The following THSD4 variants were observed in gnomAD, a reference collection of about 807,000 sequenced individuals.
The protein encoded by THSD4 is thrombospondin type-1 domain-containing protein 4.
THSD4 carries 69 observed loss-of-function variants against 119.0 expected under a neutral mutation model. The observed-to-expected ratio is 0.58, with a 90% CI of 0.48 to 0.71. THSD4 has a LOEUF of 0.71. THSD4 is among the 30% of genes least tolerant of loss of function. The pLI is 0.00. For missense variants in THSD4, 1,393 were observed against 1,391.1 expected (o/e 1.00, Z -0.02); for synonymous variants, 524 against 540.4 (o/e 0.97, Z 0.42).
In THSD4 at chr15:71,215,252, C is replaced by T. The variant is rs2043922362; in HGVS notation, c.317C>T (p.Ser106Leu). The T allele has an allele frequency of 6.7e-7, 1 of 1,483,472 alleles. No individual in the cohort carries two copies. Among genetic ancestry groups the T allele is most frequent in the Non-Finnish European group, 8.9e-7 (1 of 1,123,558 alleles). The allele number at this position is 1,483,472 out of a possible 1,614,324, so 91.9% of individuals were successfully genotyped here. A position where few individuals can be genotyped will look rare whatever the true frequency, so the allele number is the denominator to read the frequency against. ...CGCGCCTTCGCGGACCACGTGGTGT[C>T]GGCGGTGCGCACGTCGGTGCCACTG... ...PARAFADHVVSAVRTSVPLHR... is the reference protein window; with the variant it reads ...PARAFADHVVLAVRTSVPLHR... The change falls in exon 4 of 18, where the codon TCG (serine) becomes TTG (leucine). Residue 106 changes from serine (S) to leucine (L), a missense_variant. By Grantham distance (145) the Ser-to-Leu change is moderately radical. Coordinates refer to ENST00000261862, the MANE Select transcript of THSD4 (RefSeq NM_024817.3).
At chr15:71,658,280 C>G (rs2051230316) in intron 7 of THSD4, among the ~76,000 whole-genome samples, 1 of 152,230 alleles carries the variant, frequency 6.6e-6, no homozygotes, top group Admixed American at 6.5e-5. Flanking sequence ...ATTATCCCTC[C>G]CAGCAGGCTT....
chr15:71,240,027 C>T (rs532466064), intron 4 of THSD4, among the ~76,000 whole-genome samples: 2 of 152,338 alleles, frequency 1.3e-5, no homozygotes, highest in South Asian at 2.1e-4. Flanking sequence ...GCATTCATTT[C>T]GTCACCTTTC....
At chr15:71,112,238 G>T, upstream of THSD4, 2 of 1,608,944 alleles carry the variant, frequency 1.2e-6, no homozygotes, top group Non-Finnish European at 1.7e-6. Flanking sequence ...GCTGATCAGT[G>T]AGGTGGGGTG....
rs190934989 is a variant in THSD4, at chr15:71,749,169, A to G, written c.2415+575A>G. ...CAGATGGAGTGATGTTGGTTACACA[A>G]CAGCATGAATGCACCTAATGCCCTG... On this transcript the variant is annotated intron_variant, in intron 14 of 17. Coordinates refer to ENST00000261862, the MANE Select transcript of THSD4 (RefSeq NM_024817.3). Among the ~76,000 whole-genome samples the G allele has an allele frequency of 6.5e-4, 99 of 152,392 alleles. 2 individuals carry two copies. The East Asian group carries it at 0.016, about 24-fold the overall frequency.
intron 6 of THSD4, among the ~76,000 whole-genome samples, chr15:71,410,092 T>C (rs779127285): frequency 3.3e-5 from 5 of 152,056 alleles, no homozygotes; most frequent in Non-Finnish European, 7.4e-5. Context: ...GTGATAGAAA[T>C]GTACAGAAAG....
chr15:71,554,489 A>G (rs1371068732), intron 7 of THSD4, among the ~76,000 whole-genome samples: 2 of 151,654 alleles, frequency 1.3e-5, no homozygotes, highest in African/African-American at 4.8e-5. Context: ...CCCAGGCTCA[A>G]GTAATCCTCC....
Position 71,652,420 on chromosome 15 carries a change from T to C in THSD4, c.1153-8110T>C, listed in dbSNP as rs28693902. Among the ~76,000 whole-genome samples the C allele has an allele frequency of 8.8e-3, 1,334 of 152,364 alleles. 19 individuals are homozygous for C. The highest frequency in any genetic ancestry group is 0.03 in the African/African-American group (1,264 of 41,578). On this transcript the variant is annotated intron_variant, in intron 7 of 17. Coordinates refer to ENST00000261862, the MANE Select transcript of THSD4 (RefSeq NM_024817.3). ...ATTCTATACAAAAATATGGTTACCT[T>C]ACTTTTATAATAGAGCAATTATCAC...
chr15:71,532,133 G>A (rs867565273), intron 7 of THSD4, among the ~76,000 whole-genome samples: 1 of 152,298 alleles, frequency 6.6e-6, no homozygotes, highest in Admixed American at 6.5e-5. Context: ...ACATGCAACG[G>A]TGGTCACTGG....
intron 1 of THSD4, among the ~76,000 whole-genome samples, chr15:71,120,852 C>T (rs1401022817): frequency 6.6e-6 from 1 of 152,198 alleles, no homozygotes; most frequent in Admixed American, 6.5e-5. Context: ...GAATTATCTG[C>T]AGGCATCTGA....
intron 6 of THSD4, among the ~76,000 whole-genome samples, chr15:71,293,227 AT>A (rs1226375386): frequency 1.3e-5 from 2 of 152,060 alleles, no homozygotes; most frequent in Admixed American, 6.5e-5. Flanking sequence ...AGGAGAACAG[AT>A]TTTGAGCTAT....
At chr15:71,585,682 T>C (rs1449702507) in intron 7 of THSD4, among the ~76,000 whole-genome samples, 1 of 152,218 alleles carries the variant, frequency 6.6e-6, no homozygotes, top group Admixed American at 6.5e-5. Flanking sequence ...CCTCTTTCTC[T>C]TTCTCTGCTC....
intron 8 of THSD4, among the ~76,000 whole-genome samples, chr15:71,662,210 T>C (rs2051323701): frequency 6.6e-6 from 1 of 152,112 alleles, no homozygotes; most frequent in Non-Finnish European, 1.5e-5. Flanking sequence ...CTCCATATTC[T>C]ACAGCTCTTC....
At chr15:71,739,034 G>T (rs779871676) in intron 11 of THSD4, among the ~76,000 whole-genome samples, 23 of 150,444 alleles carry the variant, frequency 1.5e-4, no homozygotes, top group Admixed American at 1.1e-3. Context: ...TAATCTCCAA[G>T]TCAGGGTTGT....
chr15:71,540,103 C>A (rs535893054), intron 7 of THSD4, among the ~76,000 whole-genome samples: 42 of 149,462 alleles, frequency 2.8e-4, no homozygotes, highest in Non-Finnish European at 4.9e-4. Flanking sequence ...CTCTTCTTAA[C>A]TATTATTACA....
At chr15:71,356,264 C>T (rs922688645) in intron 6 of THSD4, among the ~76,000 whole-genome samples, 4 of 152,200 alleles carry the variant, frequency 2.6e-5, no homozygotes, top group Admixed American at 1.3e-4. Context: ...TCTCTGCACA[C>T]GGTTGCTTCT....
chr15:71,472,500 TCTCA>T (rs1296613340), intron 7 of THSD4, among the ~76,000 whole-genome samples: 1 of 152,188 alleles, frequency 6.6e-6, no homozygotes, highest in African/African-American at 2.4e-5. Flanking sequence ...TTAATTGTGC[TCTCA>T]CTCATATTGC....
At chr15:71,410,121 A>G (rs1286966793) in intron 6 of THSD4, among the ~76,000 whole-genome samples, 1 of 152,178 alleles carries the variant, frequency 6.6e-6, no homozygotes, top group Non-Finnish European at 1.5e-5. Flanking sequence ...GTAGGGAAAT[A>G]TATCTAGCAG....
chr15:71,540,724 GCCT>G (rs1253526768), intron 7 of THSD4, among the ~76,000 whole-genome samples: 2 of 112,048 alleles, frequency 1.8e-5, no homozygotes, highest in Non-Finnish European at 3.6e-5. Context: ...ACTGCACCTG[GCCT>G]CCTTTTTTTT....
At chr15:71,362,079 C>A (rs2045898799) in intron 6 of THSD4, among the ~76,000 whole-genome samples, 1 of 152,148 alleles carries the variant, frequency 6.6e-6, no homozygotes. Flanking sequence ...GAGTTTGAGA[C>A]CAGCCTGGCC....
Sources: allele counts gnomAD v4.1 joint callset (sites outside exome capture counted in the v4.1 genomes callset), GRCh38; gene constraint gnomAD v4.1.1; transcripts MANE v1.5; gene names NCBI Gene and HGNC (gene_info 2026-07-23, HGNC 2026-07-21).